FAM184A: variants seen among roughly 807,000 people sequenced by gnomAD.
The protein encoded by FAM184A is protein FAM184A.
Under a neutral mutation model 143.8 loss-of-function variants are expected in FAM184A, and 99 were observed. That is an observed-to-expected ratio of 0.69 (90% CI 0.58 to 0.81). FAM184A has a LOEUF of 0.81. Among genes scored for constraint, FAM184A ranks in the 40% least tolerant of loss-of-function variants. The pLI is 0.00. For synonymous variants in FAM184A, 427 were observed against 446.4 expected (o/e 0.96, Z 0.55); for missense variants, 1,217 against 1,310.5 (o/e 0.93, Z 1.10).
intron 9 of FAM184A, among the ~76,000 whole-genome samples, chr6:118,993,861 A>T (rs1010305122): frequency 6.6e-6 from 1 of 152,140 alleles, no homozygotes; most frequent in Non-Finnish European, 1.5e-5. Context: ...TGAATATTTC[A>T]CCCTCCTGCT....
intron 1 of FAM184A, among the ~76,000 whole-genome samples, chr6:119,095,766 C>G (rs529485659): frequency 6.6e-6 from 1 of 151,960 alleles, no homozygotes; most frequent in Non-Finnish European, 1.5e-5. Flanking sequence ...GCTATGTTGC[C>G]CAGGCTGGAC....
In FAM184A at chr6:118,970,008, A is replaced by ATATATTTTTTTTTTTT; in HGVS notation, c.2916-3057_2916-3056insAAAAAAAAAAAATATA. On this transcript the variant is annotated intron_variant, in intron 14 of 17. Transcript: ENST00000338891. The stretch of plus-strand genomic sequence containing the variant: ...ATATATATATAATATATATATATAT[A>ATATATTTTTTTTTTTT]TTTTTTTTTTTTTGAGATGGAGTTT... 7.8e-3 allele frequency among the ~76,000 whole-genome samples: 148 copies of ATATATTTTTTTTTTTT among 19,012 alleles called. 15 individuals are homozygous for ATATATTTTTTTTTTTT. The highest frequency in any genetic ancestry group is 0.014 in the Non-Finnish European group (123 of 8,864). The allele number at this position is 19,012 out of a possible 152,430, so 12.5% of individuals were successfully genotyped here.
At chr6:119,053,630 T>C (rs1786849166) in intron 1 of FAM184A, among the ~76,000 whole-genome samples, 1 of 152,164 alleles carries the variant, frequency 6.6e-6, no homozygotes, top group Non-Finnish European at 1.5e-5. Context: ...AGTATAAGAA[T>C]CACTAAGTGG....
chr6:118,978,009 G>A (rs1275524985), intron 11 of FAM184A, among the ~76,000 whole-genome samples: 1 of 152,024 alleles, frequency 6.6e-6, no homozygotes, highest in East Asian at 1.9e-4. Context: ...TGTTGCCCAG[G>A]CTGGAATGCA....
At chr6:119,037,457 C>T (rs79021839) in intron 1 of FAM184A, among the ~76,000 whole-genome samples, 2,848 of 152,256 alleles carry the variant, frequency 0.019, 83 homozygotes, top group African/African-American at 0.065. Context: ...TGTGCCACTA[C>T]ACCTGGCTTT....
chr6:119,081,443 C>T (rs1430896807), upstream of FAM184A, among the ~76,000 whole-genome samples: 1 of 152,138 alleles, frequency 6.6e-6, no homozygotes, highest in East Asian at 1.9e-4. Flanking sequence ...AAAGCAGTGT[C>T]TAGGGGTGAA....
intron 1 of FAM184A, among the ~76,000 whole-genome samples, chr6:119,040,702 T>C (rs1161458441): frequency 6.6e-6 from 1 of 152,180 alleles, no homozygotes; most frequent in Non-Finnish European, 1.5e-5. Flanking sequence ...TTTTCATAAC[T>C]CACCAAGTGC....
intron 4 of FAM184A, 51 bp downstream of exon 4, chr6:119,019,927 A>G (rs528847319): frequency 7.0e-7 from 1 of 1,429,500 alleles, no homozygotes; most frequent in Non-Finnish European, 9.3e-7. Context: ...AATGTGAAAA[A>G]GAGAAAAACG....
In FAM184A at chr6:119,078,038, T is replaced by G; in HGVS notation, c.159+103A>C. 1 of 1,340,082 alleles carries G rather than the reference T, an allele frequency of 7.5e-7. No homozygotes were observed. Among genetic ancestry groups the G allele is most frequent in the Non-Finnish European group, 1.0e-6 (1 of 997,720 alleles). The allele number at this position is 1,340,082 out of a possible 1,614,324, so 83.0% of individuals were successfully genotyped here. On this transcript the variant is annotated intron_variant, in intron 1 of 17. Transcript: ENST00000338891. This position sits in a 1 kb window ranked among gnomAD's most constrained non-coding sequence, Gnocchi z 5.5. The stretch of plus-strand genomic sequence containing the variant: ...CTGTTGCTTCGGCGGAGGAGTAGAG[T>G]TCCCCTCGCTGCGGGCGCAGGGCGC...
intron 1 of FAM184A, among the ~76,000 whole-genome samples, chr6:119,060,311 G>A (rs1223131481): frequency 1.3e-5 from 2 of 152,276 alleles, no homozygotes; most frequent in Non-Finnish European, 2.9e-5. Flanking sequence ...AAAAGGGAAC[G>A]AGCTGTATAT....
intron 1 of FAM184A, among the ~76,000 whole-genome samples, chr6:119,116,398 G>T (rs905223822): frequency 1.3e-5 from 2 of 152,114 alleles, no homozygotes; most frequent in Admixed American, 6.5e-5. Flanking sequence ...CCCATGTTGG[G>T]TACTATGCCT....
chr6:119,087,594 A>G (rs1788254328), intron 1 of FAM184A, among the ~76,000 whole-genome samples: 1 of 152,204 alleles, frequency 6.6e-6, no homozygotes, highest in Admixed American at 6.5e-5. Flanking sequence ...ACCCAAACAG[A>G]AAAATAACAA....
At chr6:119,006,681 TA>T in intron 6 of FAM184A, 73 bp from the exon 7 acceptor site, 3 of 1,199,444 alleles carry the variant, frequency 2.5e-6, no homozygotes, top group Middle Eastern at 2.1e-4. Context: ...AATTTCTTCC[TA>T]AAGTTTTTTA....
intron 1 of FAM184A, among the ~76,000 whole-genome samples, chr6:119,140,396 C>G (rs1465855464): frequency 6.6e-6 from 1 of 152,190 alleles, no homozygotes; most frequent in African/African-American, 2.4e-5. Flanking sequence ...CATGAGAGAG[C>G]CCCTGGGAGA....
chr6:119,039,537 T>A (rs943098559), intron 1 of FAM184A, among the ~76,000 whole-genome samples: 1 of 152,212 alleles, frequency 6.6e-6, no homozygotes, highest in African/African-American at 2.4e-5. Flanking sequence ...AGCTACATAT[T>A]GTATGATCCC....
chr6:119,003,799 C>T lies in FAM184A; in HGVS notation c.1816-177G>A, dbSNP rs148646740. Among the ~76,000 whole-genome samples, 356 of 152,098 alleles carry T rather than the reference C, an allele frequency of 2.3e-3. 1 individual carries two copies. Among genetic ancestry groups the T allele is most frequent in the Non-Finnish European group, 4.0e-3 (270 of 67,986 alleles). ...TTTTCTGAAAATAAAATATGTAAAACAAATTTTATATTTTACATGTTCTTG... is the reference window on the plus strand; with the variant it reads ...TTTTCTGAAAATAAAATATGTAAAATAAATTTTATATTTTACATGTTCTTG... On this transcript the variant is annotated intron_variant, in intron 7 of 17. Coordinates refer to ENST00000338891, the MANE Select transcript of FAM184A (RefSeq NM_024581.6).
rs147272654 is a variant in FAM184A at position 118,997,217 on chromosome 6, G to A, written c.2088+5682C>T. Among the ~76,000 whole-genome samples, 1,127 of 146,698 alleles carry A rather than the reference G, an allele frequency of 7.7e-3. 6 individuals carry two copies. The highest frequency in any genetic ancestry group is 0.037 in the Middle Eastern group (10 of 268). On this transcript the variant is annotated intron_variant, in intron 9 of 17. Coordinates refer to ENST00000338891, the MANE Select transcript of FAM184A (RefSeq NM_024581.6). ...GGAGTTCAAGAACAGCCTGGCCAAC[G>A]TGGCAAAACCCATCTCTACTAAAAA...
At chr6:118,986,333 C>T (rs916297073) in intron 9 of FAM184A, among the ~76,000 whole-genome samples, 4 of 152,072 alleles carry the variant, frequency 2.6e-5, no homozygotes, top group African/African-American at 9.7e-5. Context: ...CCCAATCATC[C>T]TCTTATTATT....
intron 1 of FAM184A, among the ~76,000 whole-genome samples, chr6:119,065,794 G>A (rs915182746): frequency 2.0e-5 from 3 of 151,052 alleles, no homozygotes; most frequent in Admixed American, 6.6e-5. Flanking sequence ...TACCACTATT[G>A]TCCTAATCCA....
Sources: allele counts gnomAD v4.1 joint callset (sites outside exome capture counted in the v4.1 genomes callset), GRCh38; gene constraint gnomAD v4.1.1; non-coding constraint Gnocchi (gnomAD v3.1); transcripts MANE v1.5; gene names NCBI Gene and HGNC (gene_info 2026-07-23, HGNC 2026-07-21).